The following PNPLA8 variants were observed in gnomAD, a reference collection of about 807,000 sequenced individuals.
The protein encoded by PNPLA8 is calcium-independent phospholipase A2-gamma.
PNPLA8 carries 39 observed loss-of-function variants against 76.9 expected under a neutral mutation model. The observed-to-expected ratio is 0.51, with a 90% CI of 0.39 to 0.66. PNPLA8 has a LOEUF of 0.66. PNPLA8 is among the 30% of genes least tolerant of loss of function. The pLI is 0.00. For missense variants in PNPLA8, 887 were observed against 918.0 expected (o/e 0.97, Z 0.44); for synonymous variants, 301 against 307.9 (o/e 0.98, Z 0.24).
intron 6 of PNPLA8, 63 bp from the exon 7 acceptor site, chr7:108,496,818 C>T: frequency 1.6e-6 from 2 of 1,281,394 alleles, no homozygotes; most frequent in Admixed American, 2.5e-5. Context: ...TGTAAGATTT[C>T]CTGAATCATA....
chr7:108,496,021 A>T (rs1244306183), intron 7 of PNPLA8, among the ~76,000 whole-genome samples: 2 of 152,142 alleles, frequency 1.3e-5, no homozygotes, highest in African/African-American at 2.4e-5. Flanking sequence ...GAGGCAGGCC[A>T]ATCACTTGAG....
chr7:108,499,984 C>A (rs1861823845), intron 5 of PNPLA8, among the ~76,000 whole-genome samples: 1 of 152,102 alleles, frequency 6.6e-6, no homozygotes, highest in African/African-American at 2.4e-5. Flanking sequence ...TAAAATAGTA[C>A]TCTTCCTCTC....
chr7:108,478,304 C>T (rs146416318), intron 10 of PNPLA8, among the ~76,000 whole-genome samples: 1 of 152,190 alleles, frequency 6.6e-6, no homozygotes, highest in African/African-American at 2.4e-5. Context: ...TTGGTGACCA[C>T]CAAGAATTAT....
At chr7:108,476,138 T>G (rs1214213727) in intron 10 of PNPLA8, among the ~76,000 whole-genome samples, 1 of 151,612 alleles carries the variant, frequency 6.6e-6, no homozygotes, top group Admixed American at 6.6e-5. Context: ...GTTGTTTTTG[T>G]GGGCCAACAG....
chr7:108,483,670 A>G (rs1220563929), intron 9 of PNPLA8, among the ~76,000 whole-genome samples: 2 of 152,180 alleles, frequency 1.3e-5, no homozygotes, highest in Non-Finnish European at 2.9e-5. Context: ...AACTATTTTT[A>G]AATTTAGCTA....
At chr7:108,524,302 T>C (rs1469796941) in intron 1 of PNPLA8, among the ~76,000 whole-genome samples, 2 of 152,160 alleles carry the variant, frequency 1.3e-5, no homozygotes, top group African/African-American at 2.4e-5. Context: ...CACTGAAGTA[T>C]ATTTGGGTTT....
At chr7:108,504,141 A>C (rs1862160938) in intron 4 of PNPLA8, among the ~76,000 whole-genome samples, 2 of 152,202 alleles carry the variant, frequency 1.3e-5, no homozygotes, top group Admixed American at 6.5e-5. Flanking sequence ...AACTGAATTA[A>C]GGCTATCAGG....
chr7:108,523,712 C>A (rs1230234683), intron 1 of PNPLA8, among the ~76,000 whole-genome samples: 1 of 152,210 alleles, frequency 6.6e-6, no homozygotes, highest in Non-Finnish European at 1.5e-5. Flanking sequence ...TCCAATAAAA[C>A]TTTCCTTTTC....
intron 7 of PNPLA8, 117 bp downstream of exon 7, chr7:108,496,467 G>T: frequency 1.7e-6 from 1 of 599,352 alleles, no homozygotes; most frequent in Non-Finnish European, 2.7e-6. Context: ...TAATATTCTT[G>T]ATATTTTTCA....
chr7:108,487,141 G>C (rs1025572204), intron 9 of PNPLA8, among the ~76,000 whole-genome samples: 1 of 152,102 alleles, frequency 6.6e-6, no homozygotes, highest in Non-Finnish European at 1.5e-5. Flanking sequence ...TACAGCTAGT[G>C]TACACATGAA....
At chr7:108,485,539 G>A (rs1016863993) in intron 9 of PNPLA8, among the ~76,000 whole-genome samples, 1 of 152,112 alleles carries the variant, frequency 6.6e-6, no homozygotes, top group Non-Finnish European at 1.5e-5. Flanking sequence ...TTTTCAAAAT[G>A]AGACTGGTAA....
chr7:108,481,038 T>C (rs1316776121), intron 9 of PNPLA8, among the ~76,000 whole-genome samples: 2 of 152,188 alleles, frequency 1.3e-5, no homozygotes, highest in African/African-American at 4.8e-5. Flanking sequence ...TCCAAGTAGT[T>C]GCATGTATCA....
intron 9 of PNPLA8, among the ~76,000 whole-genome samples, chr7:108,482,210 C>A (rs1340970534): frequency 6.6e-6 from 1 of 152,122 alleles, no homozygotes; most frequent in East Asian, 1.9e-4. Context: ...GTGGCTCATG[C>A]CTGTAATCCC....
chr7:108,480,768 A>G (rs1199191239), intron 9 of PNPLA8: 1 of 390,072 alleles, frequency 2.6e-6, no homozygotes, highest in Admixed American at 2.7e-5. Flanking sequence ...AGTAAAATTA[A>G]CTTTTTTGGT....
chr7:108,522,097 C>T (rs369006484), intron 1 of PNPLA8, among the ~76,000 whole-genome samples: 107 of 151,804 alleles, frequency 7.0e-4, no homozygotes, highest in African/African-American at 2.6e-3. Context: ...AGTTCAAGAC[C>T]AGCCTGGCCA....
intron 10 of PNPLA8, among the ~76,000 whole-genome samples, chr7:108,475,888 G>A (rs1563928476): frequency 6.6e-6 from 1 of 152,088 alleles, no homozygotes; most frequent in Non-Finnish European, 1.5e-5. Context: ...GTTGTTTAAG[G>A]TAAGAGGAAA....
chr7:108,527,364 C>T (rs1425914164), upstream of PNPLA8, among the ~76,000 whole-genome samples: 1 of 152,038 alleles, frequency 6.6e-6, no homozygotes, highest in Non-Finnish European at 1.5e-5. Flanking sequence ...CCTGGTAAAC[C>T]CCAGCAGTGG....
Position 108,502,473 on chromosome 7 carries a change from T to C in PNPLA8, c.1358+18A>G. The C allele has an allele frequency of 1.5e-6, 1 of 684,190 alleles. No homozygotes were observed. The highest frequency in any genetic ancestry group is 2.2e-6 in the Non-Finnish European group (1 of 457,236). 42.4% of individuals were successfully genotyped at this position (684,190 alleles called of 1,614,324 possible). Reference sequence around the variant, plus strand: ...AAAAAAAAAAAAAAAAAAAAAAGAATCATGTTCCTAGCCTTACCTTGTTCC... The same window carrying C: ...AAAAAAAAAAAAAAAAAAAAAAGAACCATGTTCCTAGCCTTACCTTGTTCC... On this transcript the variant is annotated intron_variant, in intron 5 of 10. Coordinates refer to ENST00000257694, the MANE Select transcript of PNPLA8 (RefSeq NM_001256007.3).
At chr7:108,507,793 G>A (rs113511474) in intron 4 of PNPLA8, among the ~76,000 whole-genome samples, 27,548 of 151,714 alleles carry the variant, frequency 0.18, 2,763 homozygotes, top group East Asian at 0.34. Context: ...CTGGCAAACC[G>A]AATCCAGCAG....
Sources: allele counts gnomAD v4.1 joint callset (sites outside exome capture counted in the v4.1 genomes callset), GRCh38; gene constraint gnomAD v4.1.1; transcripts MANE v1.5; gene names NCBI Gene and HGNC (gene_info 2026-07-23, HGNC 2026-07-21).